Variants in NELL1 observed in about 807,000 individuals in gnomAD.
The protein encoded by NELL1 is neural EGFL like 1.
A neutral mutation model predicts 107.4 loss-of-function variants in NELL1; 76 were observed. That is an observed-to-expected ratio of 0.71 (90% CI 0.59 to 0.86). NELL1 has a LOEUF of 0.86. Ranked by LOEUF, NELL1 falls within the 40% of genes least tolerant of loss-of-function variation. NELL1 has a pLI of 0.00. For missense variants in NELL1, 1,024 were observed against 1,005.5 expected (o/e 1.02, Z -0.25); for synonymous variants, 353 against 341.2 (o/e 1.03, Z -0.38).
chr11:21,489,380 C>CAGAAAAAAAA (rs1491301138), intron 15 of NELL1, among the ~76,000 whole-genome samples: 2 of 47,802 alleles, frequency 4.2e-5, no homozygotes, highest in Non-Finnish European at 8.1e-5. Flanking sequence ...GAAAGTATTT[C>CAGAAAAAAAA]AAAAAAAAAA....
At chr11:20,978,494 G>A (rs1851686005) in intron 12 of NELL1, among the ~76,000 whole-genome samples, 1 of 151,972 alleles carries the variant, frequency 6.6e-6, no homozygotes. Context: ...GAGGGATTTT[G>A]CCTGTTTATA....
At chr11:21,458,937 T>A (rs5012221) in intron 15 of NELL1, among the ~76,000 whole-genome samples, 105,471 of 151,188 alleles carry the variant, frequency 0.7, 38,864 homozygotes, top group Middle Eastern at 0.84. Context: ...TATTTAGAGA[T>A]AATTTTGTGT....
At chr11:20,813,031 A>T (rs1368071315) in intron 3 of NELL1, among the ~76,000 whole-genome samples, 1 of 141,734 alleles carries the variant, frequency 7.1e-6, no homozygotes, top group African/African-American at 2.6e-5. Context: ...AAAAAAAAAA[A>T]AAAAAAAAAA....
intron 16 of NELL1, among the ~76,000 whole-genome samples, chr11:21,545,349 C>A (rs2133983277): frequency 6.6e-6 from 1 of 152,040 alleles, no homozygotes; most frequent in South Asian, 2.1e-4. Flanking sequence ...AGCAGGATTT[C>A]ACAAGTGCTG....
At chr11:21,273,716 T>C (rs936429625) in intron 14 of NELL1, among the ~76,000 whole-genome samples, 2 of 152,128 alleles carry the variant, frequency 1.3e-5, no homozygotes, top group African/African-American at 4.8e-5. Context: ...CGGCAGAAAC[T>C]CTACAAGCCA....
intron 4 of NELL1, among the ~76,000 whole-genome samples, chr11:20,862,628 T>A (rs566745882): frequency 1.2e-4 from 16 of 138,760 alleles, no homozygotes; most frequent in South Asian, 7.2e-4. Context: ...TTTTTTTTTT[T>A]ATTGATCATT....
At chr11:21,262,682 T>TA (rs1310983949) in intron 14 of NELL1, 1 of 151,882 alleles carries the variant, frequency 6.6e-6, no homozygotes, top group African/African-American at 2.4e-5. Flanking sequence ...TCTGACTTTT[T>TA]ATCTTTGGTT....
intron 12 of NELL1, among the ~76,000 whole-genome samples, chr11:21,035,141 C>G (rs1853057530): frequency 6.6e-6 from 1 of 152,130 alleles, no homozygotes; most frequent in South Asian, 2.1e-4. Flanking sequence ...TGGATACATT[C>G]CTGGACACAT....
intron 13 of NELL1, among the ~76,000 whole-genome samples, chr11:21,192,380 A>T (rs977919331): frequency 6.6e-6 from 1 of 151,892 alleles, no homozygotes; most frequent in African/African-American, 2.4e-5. Flanking sequence ...TCAAATATTT[A>T]TCATTAATTT....
chr11:21,246,785 G>A (rs1185087454), intron 14 of NELL1, among the ~76,000 whole-genome samples: 4 of 152,194 alleles, frequency 2.6e-5, no homozygotes, highest in African/African-American at 7.2e-5. Flanking sequence ...ACAATTCCAC[G>A]TGGCTGAGGA....
At chr11:21,300,907 C>G (rs937061720) in intron 14 of NELL1, among the ~76,000 whole-genome samples, 2 of 151,840 alleles carry the variant, frequency 1.3e-5, no homozygotes. Flanking sequence ...CTCCCCACCC[C>G]ACAACAGGCC....
intron 14 of NELL1, among the ~76,000 whole-genome samples, chr11:21,275,116 G>T (rs1848825610): frequency 6.6e-6 from 1 of 152,060 alleles, no homozygotes; most frequent in Admixed American, 6.6e-5. Flanking sequence ...CCAGGAGCTG[G>T]TTTTTTGAAA....
At chr11:20,684,045 A>G (rs1306404854) in intron 2 of NELL1, among the ~76,000 whole-genome samples, 1 of 145,824 alleles carries the variant, frequency 6.9e-6, no homozygotes, top group Non-Finnish European at 1.5e-5. Flanking sequence ...TGTAGTGACT[A>G]CAATTACATG....
At chr11:21,488,346 TAGG>T (rs1038612703) in intron 15 of NELL1, among the ~76,000 whole-genome samples, 1 of 152,138 alleles carries the variant, frequency 6.6e-6, no homozygotes, top group Non-Finnish European at 1.5e-5. Context: ...CTTGCTTTCA[TAGG>T]AGAAGGCTTT....
intron 13 of NELL1, among the ~76,000 whole-genome samples, chr11:21,158,241 A>G (rs1261573746): frequency 6.6e-6 from 1 of 151,882 alleles, no homozygotes; most frequent in Admixed American, 6.6e-5. Context: ...TCACTTCCCT[A>G]CTTTTGAGAT....
intron 13 of NELL1, among the ~76,000 whole-genome samples, chr11:21,194,999 G>A (rs951630316): frequency 5.9e-5 from 9 of 152,176 alleles, no homozygotes; most frequent in Admixed American, 6.5e-5. Flanking sequence ...TGTGAGCGTC[G>A]GGGAGATGTT....
intron 12 of NELL1, among the ~76,000 whole-genome samples, chr11:21,028,327 G>C (rs1516769): frequency 0.12 from 17,587 of 152,100 alleles, 1,288 homozygotes; most frequent in South Asian, 0.19. Flanking sequence ...CCTCTGGGCT[G>C]GGTGGGAAGA....
intron 3 of NELL1, among the ~76,000 whole-genome samples, chr11:20,817,474 A>G (rs889432824): frequency 6.6e-6 from 1 of 151,984 alleles, no homozygotes; most frequent in Admixed American, 6.6e-5. Context: ...CTTTGATATC[A>G]GTTGTTATGT....
chr11:21,010,420 G>C (rs1286580095), intron 12 of NELL1, among the ~76,000 whole-genome samples: 2 of 152,082 alleles, frequency 1.3e-5, no homozygotes, highest in African/African-American at 4.8e-5. Flanking sequence ...AATAGAGCTA[G>C]GATCAACTGG....
Sources: allele counts gnomAD v4.1 joint callset (sites outside exome capture counted in the v4.1 genomes callset), GRCh38; gene constraint gnomAD v4.1.1; transcripts MANE v1.5; gene names NCBI Gene and HGNC (gene_info 2026-07-23, HGNC 2026-07-21).